Variants in DEAF1 observed in about 807,000 individuals in gnomAD.
DEAF1 encodes DEAF1 transcription factor, also known as deformed epidermal autoregulatory factor 1 homolog.
A neutral mutation model predicts 58.9 loss-of-function variants in DEAF1; 53 were observed. The ratio of observed to expected loss-of-function variants is 0.90; its 90% confidence interval spans 0.72 to 1.13. DEAF1 has a LOEUF of 1.13. Ranked by LOEUF, DEAF1 falls within the 50% of genes most tolerant of loss-of-function variation. The probability of loss-of-function intolerance (pLI) is 0.00; values close to 1 mark genes in which losing one functional copy is unlikely to be tolerated. For synonymous variants in DEAF1, 385 were observed against 340.4 expected (o/e 1.13, Z -1.44); for missense variants, 685 against 791.4 (o/e 0.87, Z 1.61).
At chr11:698,819 A>C, upstream of DEAF1, 2 of 1,612,614 alleles carry the variant, frequency 1.2e-6, no homozygotes, top group Non-Finnish European at 1.7e-6. Flanking sequence ...AGACCCGGGA[A>C]AGCATCCTGG....
intron 2 of DEAF1, among the ~76,000 whole-genome samples, chr11:690,892 A>C (rs1860805070): frequency 6.6e-6 from 1 of 152,252 alleles, no homozygotes; most frequent in African/African-American, 2.4e-5. Flanking sequence ...CCACCCTGGC[A>C]TCTGCCACTT....
In DEAF1 at chr11:644,492, C is replaced by G. The variant is rs1858386382; in HGVS notation, c.*58G>C. 1.4e-6 allele frequency: 2 copies of G among 1,416,854 alleles called. No homozygotes were observed. Among genetic ancestry groups the G allele is most frequent in the Non-Finnish European group, 2.0e-6 (2 of 1,014,480 alleles). The allele number at this position is 1,416,854 out of a possible 1,614,324, so 87.8% of individuals were successfully genotyped here. A position where few individuals can be genotyped will look rare whatever the true frequency, so the allele number is the denominator to read the frequency against. On this transcript the variant is annotated 3_prime_UTR_variant, in exon 12 of 12. Coordinates refer to ENST00000382409, the MANE Select transcript of DEAF1 (RefSeq NM_021008.4). This position sits in a 1 kb window ranked among gnomAD's most constrained non-coding sequence, Gnocchi z 4.3. ...CAGAGTCCTCAGGGGGGCCTTCGAC[C>G]TGCAAAAGCCTCACAGGAGTGCGAG...
At chr11:656,209 G>A (rs1859049500) in intron 10 of DEAF1, among the ~76,000 whole-genome samples, 1 of 151,104 alleles carries the variant, frequency 6.6e-6, no homozygotes, top group Admixed American at 6.6e-5. Flanking sequence ...AGCCTGGAGT[G>A]CAGTGGCACG....
upstream of DEAF1, chr11:695,880 G>A: frequency 4.9e-6 from 6 of 1,221,176 alleles, no homozygotes; most frequent in Non-Finnish European, 3.1e-6. Context: ...TTCCGGGCTT[G>A]CAGCGGCGGG....
intron 10 of DEAF1, among the ~76,000 whole-genome samples, chr11:660,920 G>A (rs541368739): frequency 2.0e-4 from 31 of 152,302 alleles, no homozygotes; most frequent in Admixed American, 3.9e-4. Context: ...GCAGGGAAGC[G>A]GCTGCTCTGG....
exon 1 of DEAF1, among the ~76,000 whole-genome samples, chr11:707,059 T>C (rs1468795913): frequency 6.6e-6 from 1 of 151,534 alleles, no homozygotes; most frequent in African/African-American, 2.4e-5. Flanking sequence ...ACCCACCCCG[T>C]GCTCAGTCCT....
At chr11:649,081 T>C (rs1481271326) in intron 11 of DEAF1, among the ~76,000 whole-genome samples, 1 of 152,046 alleles carries the variant, frequency 6.6e-6, no homozygotes, top group African/African-American at 2.4e-5. Context: ...CAAAACCCTC[T>C]CTCTACGAAA....
At chr11:686,174 C>G (rs368042963) in intron 5 of DEAF1, among the ~76,000 whole-genome samples, 1 of 151,256 alleles carries the variant, frequency 6.6e-6, no homozygotes, top group African/African-American at 2.4e-5. Flanking sequence ...CACCTGTAAT[C>G]CCAGCTACTC....
chr11:700,198 G>A (rs756270000), upstream of DEAF1: 2 of 1,613,974 alleles, frequency 1.2e-6, no homozygotes, highest in African/African-American at 2.7e-5. Flanking sequence ...ACTACGCCCT[G>A]TATTTCCTCG....
Position 644,632 on chromosome 11 carries a change from A to T in DEAF1, c.1616T>A (p.Ile539Lys). 6.2e-7 allele frequency: 1 copy of T among 1,612,134 alleles called. No individual in the cohort carries two copies. Among genetic ancestry groups the T allele is most frequent in the Non-Finnish European group, 8.5e-7 (1 of 1,179,726 alleles). The change falls in exon 12 of 12, where the codon ATA becomes AAA. Residue 539 changes from isoleucine (I) to lysine (K), a missense_variant. This residue lies in a region of DEAF1 where 343 missense variants were observed against 379.8 expected (regional missense o/e 0.90). Coordinates refer to ENST00000382409, the MANE Select transcript of DEAF1 (RefSeq NM_021008.4). This position sits in a 1 kb window ranked among gnomAD's most constrained non-coding sequence, Gnocchi z 4.3. ...QRKDWKDHQH[I>K]CGQSAAVTVQ... ...GGTGACAGCTGCTGACTGGCCGCAT[A>T]TGTGCTGGTGATCCTTCCAGTCCTG...
At chr11:679,241 G>T (rs989084653) in intron 8 of DEAF1, among the ~76,000 whole-genome samples, 1 of 151,930 alleles carries the variant, frequency 6.6e-6, no homozygotes, top group African/African-American at 2.4e-5. Flanking sequence ...TGTGAACCCG[G>T]GAGGCGGAGC....
intron 2 of DEAF1, chr11:689,734 A>T (rs1296101603): frequency 6.6e-6 from 1 of 152,164 alleles, no homozygotes; most frequent in East Asian, 1.9e-4. Flanking sequence ...TTAGGAAGGG[A>T]ACACACAGTT....
intron 11 of DEAF1, chr11:651,371 T>C (rs1376756538): frequency 4.1e-5 from 13 of 313,766 alleles, no homozygotes; most frequent in Non-Finnish European, 7.9e-5. Flanking sequence ...AGCCAGGAGA[T>C]GGAGACCAGG....
upstream of DEAF1, chr11:695,612 C>T (rs186084856): frequency 2.2e-3 from 2,796 of 1,244,226 alleles, 39 homozygotes; most frequent in African/African-American, 0.032. Context: ...AGGCCGAATG[C>T]TCCCGAACGT....
chr11:684,326 G>A (rs1173414964), intron 6 of DEAF1, among the ~76,000 whole-genome samples: 3 of 152,124 alleles, frequency 2.0e-5, no homozygotes, highest in African/African-American at 7.2e-5. Context: ...GCTGAGGCAG[G>A]AGAAGTGCTT....
intron 11 of DEAF1, among the ~76,000 whole-genome samples, chr11:652,618 A>G (rs1475804042): frequency 6.6e-6 from 1 of 151,958 alleles, no homozygotes; most frequent in African/African-American, 2.4e-5. Flanking sequence ...AGCCTGGGCT[A>G]CAGAGCAAAA....
At chr11:704,184 A>G (rs1861622350) in intron 1 of DEAF1, 2 of 1,055,342 alleles carry the variant, frequency 1.9e-6, no homozygotes, top group East Asian at 6.7e-5. Flanking sequence ...CTGCCCTGCA[A>G]GAGAGCACAC....
chr11:685,695 CA>C (rs111933571), intron 5 of DEAF1, among the ~76,000 whole-genome samples: 209 of 135,354 alleles, frequency 1.5e-3, no homozygotes, highest in Non-Finnish European at 1.6e-3. Context: ...GCCTTTGCCT[CA>C]AAAAAAAAAA....
At chr11:662,617 T>C (rs1443675817) in intron 10 of DEAF1, among the ~76,000 whole-genome samples, 1 of 152,144 alleles carries the variant, frequency 6.6e-6, no homozygotes, top group African/African-American at 2.4e-5. Context: ...AGGCCCCTCC[T>C]TGTAGGACTT....
Sources: gnomAD v4.1 joint callset for allele counts (sites outside exome capture counted in the v4.1 genomes callset) on GRCh38, gnomAD v4.1.1 for gene constraint, gnomAD v4.1.1 regional missense constraint, Gnocchi (gnomAD v3.1) non-coding constraint, MANE v1.5 for transcripts, NCBI Gene and HGNC (gene_info 2026-07-23, HGNC 2026-07-21) for gene names.